Variants in STK31 observed in about 807,000 individuals in gnomAD.
The protein encoded by STK31 is serine/threonine kinase 31.
A neutral mutation model predicts 129.7 loss-of-function variants in STK31; 89 were observed. The ratio of observed to expected loss-of-function variants is 0.69; its 90% CI spans 0.58 to 0.82. The LOEUF is 0.82. Ranked by LOEUF, STK31 falls within the 40% of genes least tolerant of loss-of-function variation. The pLI is 0.00. For synonymous variants in STK31, 448 were observed against 395.3 expected (o/e 1.13, Z -1.58); for missense variants, 1,187 against 1,176.4 (o/e 1.01, Z -0.13).
At chr7:23,799,338 C>A (rs1248436932) in intron 22 of STK31, among the ~76,000 whole-genome samples, 1 of 152,148 alleles carries the variant, frequency 6.6e-6, no homozygotes, top group Non-Finnish European at 1.5e-5. Flanking sequence ...TGACTTCAAA[C>A]TATAGTACAA....
chr7:23,801,495 CTTTTT>C (rs1206890687), intron 22 of STK31, among the ~76,000 whole-genome samples: 1 of 151,688 alleles, frequency 6.6e-6, no homozygotes, highest in Non-Finnish European at 1.5e-5. Flanking sequence ...TGTAGCTTTT[CTTTTT>C]ATTTTCTTTT....
At chr7:23,735,017 T>C (rs1398201631) in intron 6 of STK31, among the ~76,000 whole-genome samples, 1 of 152,214 alleles carries the variant, frequency 6.6e-6, no homozygotes, top group Non-Finnish European at 1.5e-5. Context: ...CCTCACATTT[T>C]ATAATTTCAG....
chr7:23,791,399 A>C (rs1257286019), intron 22 of STK31: 3 of 661,748 alleles, frequency 4.5e-6, no homozygotes, highest in African/African-American at 2.0e-5. Flanking sequence ...GCATGTTCTC[A>C]CTTATAAGTG....
chr7:23,730,872 A>ATTTTTTTTTT (rs1455690740), intron 6 of STK31, among the ~76,000 whole-genome samples: 1 of 56,116 alleles, frequency 1.8e-5, no homozygotes, highest in Non-Finnish European at 3.6e-5. Flanking sequence ...ATATATATAT[A>ATTTTTTTTTT]TATATATTTT....
At chr7:23,824,648 G>A (rs1794004789) in intron 23 of STK31, among the ~76,000 whole-genome samples, 1 of 152,220 alleles carries the variant, frequency 6.6e-6, no homozygotes, top group Non-Finnish European at 1.5e-5. Flanking sequence ...AATAGGAGTG[G>A]TGAGAGAGGG....
intron 8 of STK31, among the ~76,000 whole-genome samples, chr7:23,738,101 AC>A (rs893658126): frequency 1.3e-4 from 19 of 151,474 alleles, no homozygotes; most frequent in African/African-American, 9.7e-5. Context: ...TTGCATATCT[AC>A]CCCCCCACTA....
chr7:23,786,504 C>T lies in STK31; in HGVS notation c.2275-4C>T. ...ATTACGAGTGCCTCTTTCTTTGGTA[C>T]AAGGGCTATTCTGTGGATGTTGACA... On this transcript the variant is annotated splice_region_variant and splice_polypyrimidine_tract_variant and intron_variant, in intron 18 of 23. Transcript: ENST00000355870. The T allele has an allele frequency of 6.2e-7, 1 of 1,607,566 alleles. No individual in the cohort carries two copies. Among genetic ancestry groups the T allele is most frequent in the Non-Finnish European group, 8.5e-7 (1 of 1,177,314 alleles).
At chr7:23,797,410 T>C (rs1488311075) in intron 22 of STK31, among the ~76,000 whole-genome samples, 3 of 151,866 alleles carry the variant, frequency 2.0e-5, no homozygotes, top group Non-Finnish European at 4.4e-5. Context: ...ATCTTAATGG[T>C]CTCTCAGACC....
intron 22 of STK31, among the ~76,000 whole-genome samples, chr7:23,796,810 G>C (rs1332372805): frequency 6.6e-6 from 1 of 152,148 alleles, no homozygotes; most frequent in Non-Finnish European, 1.5e-5. Flanking sequence ...AAAAGACACA[G>C]ACTGGCAAAT....
At chr7:23,733,670 A>G (rs1050382106) in intron 6 of STK31, among the ~76,000 whole-genome samples, 8 of 151,950 alleles carry the variant, frequency 5.3e-5, no homozygotes, top group African/African-American at 1.7e-4. Context: ...TTAGCTGGTC[A>G]TGGTGGTGGG....
intron 4 of STK31, among the ~76,000 whole-genome samples, chr7:23,723,136 G>A (rs1288884822): frequency 6.6e-6 from 1 of 152,118 alleles, no homozygotes; most frequent in African/African-American, 2.4e-5. Flanking sequence ...GAAATCACCC[G>A]TCTTCTGCGT....
intron 23 of STK31, among the ~76,000 whole-genome samples, chr7:23,829,673 C>G (rs1166369942): frequency 2.0e-5 from 3 of 152,130 alleles, no homozygotes; most frequent in African/African-American, 7.2e-5. Context: ...GAATTCTCGC[C>G]TCTTGAACCT....
intron 8 of STK31, among the ~76,000 whole-genome samples, chr7:23,750,778 G>A (rs111634099): frequency 0.013 from 1,994 of 152,086 alleles, 36 homozygotes; most frequent in African/African-American, 0.044. Context: ...ATGTTTACTG[G>A]TGTATGTGTG....
chr7:23,819,839 T>C (rs74487951), intron 23 of STK31, among the ~76,000 whole-genome samples: 6,580 of 152,160 alleles, frequency 0.043, 199 homozygotes, highest in East Asian at 0.12. Flanking sequence ...ATAATGTCCT[T>C]TGAAATGGAG....
chr7:23,815,819 C>T (rs773605936), intron 23 of STK31, among the ~76,000 whole-genome samples: 7 of 151,578 alleles, frequency 4.6e-5, no homozygotes, highest in Non-Finnish European at 1.0e-4. Flanking sequence ...TAATGAAGCC[C>T]CTAAAAAAAG....
intron 4 of STK31, among the ~76,000 whole-genome samples, chr7:23,723,413 AT>A (rs1287283186): frequency 6.6e-6 from 1 of 151,912 alleles, no homozygotes; most frequent in Non-Finnish European, 1.5e-5. Flanking sequence ...AATTTTTAAA[AT>A]TTTTTTTATG....
chr7:23,778,793 G>A lies in STK31; in HGVS notation c.1966-2626G>A, dbSNP rs532214074. On this transcript the variant is annotated intron_variant, in intron 15 of 23. Transcript: ENST00000355870. ...GGGTTAGAACATGCTCCTTTAGCTC[G>A]GAGGAGTTTGTTATTACCCACCTTC... Among the ~76,000 whole-genome samples, 8 of 152,026 alleles carry A rather than the reference G, an allele frequency of 5.3e-5. No homozygotes were observed. The South Asian group carries it at 1.0e-3, about 20-fold the overall frequency.
At chr7:23,824,948 C>G (rs1482417331) in intron 23 of STK31, among the ~76,000 whole-genome samples, 2 of 151,908 alleles carry the variant, frequency 1.3e-5, no homozygotes, top group Non-Finnish European at 2.9e-5. Flanking sequence ...GGGATGAAGC[C>G]CACTTGATCA....
chr7:23,824,554 T>C (rs1793993240), intron 23 of STK31, among the ~76,000 whole-genome samples: 2 of 152,158 alleles, frequency 1.3e-5, no homozygotes, highest in South Asian at 2.1e-4. Flanking sequence ...ACAGGGACAA[T>C]TGGACTTCCT....
Sources: allele counts gnomAD v4.1 joint callset (sites outside exome capture counted in the v4.1 genomes callset), GRCh38; gene constraint gnomAD v4.1.1; transcripts MANE v1.5; gene names NCBI Gene and HGNC (gene_info 2026-07-23, HGNC 2026-07-21).